The following AGO3 variants were observed in gnomAD, a reference collection of about 807,000 sequenced individuals.
AGO3 encodes the protein argonaute RISC catalytic component 3.
Under a neutral mutation model 105.5 loss-of-function variants are expected in AGO3, and 16 were observed. That is an observed-to-expected ratio of 0.15 (90% confidence interval 0.10 to 0.23). The LOEUF (loss-of-function observed/expected upper bound fraction) is 0.23. Among genes scored for constraint, AGO3 ranks in the 10% least tolerant of loss-of-function variants. The pLI, the probability that AGO3 is intolerant of heterozygous loss-of-function variation, is 1.00. For synonymous variants in AGO3, 340 were observed against 367.3 expected (o/e 0.93, Z 0.85); for missense variants, 534 against 1,088.0 (o/e 0.49, Z 7.16).
At chr1:36,042,778 T>A (rs765808806) in intron 16 of AGO3, among the ~76,000 whole-genome samples, 1 of 152,224 alleles carries the variant, frequency 6.6e-6, no homozygotes, top group Non-Finnish European at 1.5e-5. Context: ...AATCATGGTG[T>A]CCTCTTACAA....
rs115294863 is a variant in AGO3, at chr1:35,936,199, G to C, written c.19+4754G>C. Among the ~76,000 whole-genome samples the C allele has an allele frequency of 6.7e-3, 1,013 of 151,942 alleles. 8 individuals carry two copies. Among genetic ancestry groups the C allele is most frequent in the African/African-American group, 0.023 (961 of 41,444 alleles). ...GCCTTTCTGTATTTGGAGTTTCTGT[G>C]GTTTTCTGCCATTATCTGTGTTAAT... On this transcript the variant is annotated intron_variant, in intron 1 of 18. Transcript: ENST00000373191.
chr1:36,041,766 C>G (rs957267042), intron 16 of AGO3, among the ~76,000 whole-genome samples: 1 of 152,124 alleles, frequency 6.6e-6, no homozygotes. Context: ...AACTTAACAT[C>G]TCTGTGTCTG....
At chr1:36,049,054 A>G (rs1236488969) in intron 17 of AGO3, among the ~76,000 whole-genome samples, 3 of 152,234 alleles carry the variant, frequency 2.0e-5, no homozygotes, top group East Asian at 1.9e-4. Flanking sequence ...TTACAGCAAC[A>G]TAGATGGAGC....
At chr1:35,991,891 G>A (rs767619180) in intron 5 of AGO3, among the ~76,000 whole-genome samples, 13 of 151,940 alleles carry the variant, frequency 8.6e-5, no homozygotes, top group African/African-American at 1.7e-4. Flanking sequence ...CATTTTGGAG[G>A]CGTTCATCCA....
rs1291723642 is a variant in AGO3 at position 35,931,362 on chromosome 1, G to A, written c.-65G>A. The A allele has an allele frequency of 7.2e-7, 1 of 1,392,874 alleles. No homozygotes were observed. The highest frequency in any genetic ancestry group is 1.5e-5 in the African/African-American group (1 of 66,568). The allele number at this position is 1,392,874 out of a possible 1,614,324, so 86.3% of individuals were successfully genotyped here. On this transcript the variant is annotated 5_prime_UTR_variant, in exon 1 of 19. Coordinates refer to ENST00000373191, the MANE Select transcript of AGO3 (RefSeq NM_024852.4). ...TCGCGTCGCGCCGCGTCGCCCCCCG[G>A]GCCGCCTCCTTGCCGCCAGTGGCGG...
Position 36,013,717 on chromosome 1 carries a change from G to T in AGO3, c.1237G>T (p.Val413Leu). The T allele has an allele frequency of 6.2e-7, 1 of 1,614,116 alleles. No homozygotes were observed. Among genetic ancestry groups the T allele is most frequent in the South Asian group, 1.1e-5 (1 of 91,082 alleles). The change falls in exon 10 of 19, where the codon GTA (valine) becomes TTA (leucine). Residue 413 changes from valine (V) to leucine (L), a missense_variant. Physicochemically the swap from Val to Leu is conservative, Grantham distance 32. Coordinates refer to ENST00000373191, the MANE Select transcript of AGO3 (RefSeq NM_024852.4). The stretch of plus-strand genomic sequence containing the variant: ...TGAAATGGCTCATGTAACTGGACGC[G>T]TACTTCCAGCACCTATGCTCCAGTA... ...RDEMAHVTGR[V>L]LPAPMLQYGG...
rs183183084 is a variant in AGO3, at chr1:36,012,687, C to T, written c.1150-943C>T. ...ATTTTAATAGAATGTATCCAGATCT[C>T]CCATAGTCAGAGGTTCTTAACCTCT... is the stretch of plus-strand genomic sequence containing the variant. On this transcript the variant is annotated intron_variant, in intron 9 of 18. Coordinates refer to ENST00000373191, the MANE Select transcript of AGO3 (RefSeq NM_024852.4). 2.0e-5 allele frequency among the ~76,000 whole-genome samples: 3 copies of T among 152,208 alleles called. No individual in the cohort carries two copies. The East Asian group carries it at 5.8e-4, about 29-fold the overall frequency.
Position 36,057,883 on chromosome 1 carries a change from A to C in AGO3, c.*2138A>C, listed in dbSNP as rs1348274555. 1 of 152,166 alleles carries C rather than the reference A, an allele frequency of 6.6e-6. No homozygotes were observed. The highest frequency in any genetic ancestry group is 1.5e-5 in the Non-Finnish European group (1 of 68,046). 9.4% of individuals were successfully genotyped at this position (152,166 alleles called of 1,614,324 possible). ...TCCCAGCTACTCGGGAGGCTGAGGC[A>C]GGATTGCTTGAACCTAGGAGGCGGA... On this transcript the variant is annotated 3_prime_UTR_variant, in exon 19 of 19. Coordinates refer to ENST00000373191, the MANE Select transcript of AGO3 (RefSeq NM_024852.4).
In AGO3 at chr1:36,066,109, C is replaced by T. The variant is rs1036378226; in HGVS notation, c.*10364C>T. Reference sequence around the variant, plus strand: ...AAGAATTGCCATGAACAGCGTTATGCGTAGAAAACAGATGGAAGTGTTGGT... The same window carrying T: ...AAGAATTGCCATGAACAGCGTTATGTGTAGAAAACAGATGGAAGTGTTGGT... On this transcript the variant is annotated 3_prime_UTR_variant, in exon 19 of 19. Transcript: ENST00000373191. 7 of 151,666 alleles carry T rather than the reference C, an allele frequency of 4.6e-5. No homozygotes were observed. Among genetic ancestry groups the T allele is most frequent in the African/African-American group, 1.5e-4 (6 of 41,274 alleles). 9.4% of individuals were successfully genotyped at this position (151,666 alleles called of 1,614,324 possible).
intron 16 of AGO3, among the ~76,000 whole-genome samples, chr1:36,042,712 G>A (rs981725148): frequency 6.6e-6 from 1 of 152,130 alleles, no homozygotes; most frequent in African/African-American, 2.4e-5. Flanking sequence ...TTTATAAGGA[G>A]CTTGTATCAT....
chr1:35,945,658 CTG>C, intron 1 of AGO3, 32 bp from the exon 2 acceptor site: 1 of 1,603,828 alleles, frequency 6.2e-7, no homozygotes, highest in Non-Finnish European at 8.5e-7. Flanking sequence ...CAGCTTGTAA[CTG>C]TGACTCTTTT....
chr1:36,016,858 A>C (rs1640929550), intron 11 of AGO3, among the ~76,000 whole-genome samples: 1 of 152,154 alleles, frequency 6.6e-6, no homozygotes, highest in South Asian at 2.1e-4. Context: ...CACGCTTAGC[A>C]TGAGTGACTC....
chr1:36,027,088 T>C lies in AGO3; in HGVS notation c.1407-26T>C, dbSNP rs1641539737. 6 of 1,594,606 alleles carry C rather than the reference T, an allele frequency of 3.8e-6. No individual in the cohort carries two copies. The highest frequency in any genetic ancestry group is 5.1e-6 in the Non-Finnish European group (6 of 1,170,686). On this transcript the variant is annotated intron_variant, in intron 11 of 18. Transcript: ENST00000373191. The surrounding 1 kb of genome is among the most constrained non-coding windows in gnomAD (Gnocchi z 4.0). Reference sequence around the variant, plus strand: ...AGGAATTCATGACTAGACAAAGGTTTTATATTTAGTGGTTTCTCCTTCCAG... The same window carrying C: ...AGGAATTCATGACTAGACAAAGGTTCTATATTTAGTGGTTTCTCCTTCCAG...
intron 5 of AGO3, among the ~76,000 whole-genome samples, chr1:35,997,499 G>T (rs954836888): frequency 6.6e-6 from 1 of 152,230 alleles, no homozygotes; most frequent in East Asian, 1.9e-4. Context: ...GATCACAAGG[G>T]TACAGTGTAC....
intron 2 of AGO3, among the ~76,000 whole-genome samples, chr1:35,958,408 C>T (rs768606452): frequency 5.3e-5 from 8 of 151,820 alleles, no homozygotes; most frequent in Middle Eastern, 3.4e-3. Flanking sequence ...TTTTGTTCTA[C>T]CCAGCACTTT....
In AGO3 at chr1:36,064,092, T is replaced by A. The variant is rs1017390448; in HGVS notation, c.*8347T>A. On this transcript the variant is annotated 3_prime_UTR_variant, in exon 19 of 19. Transcript: ENST00000373191. ...GGTATGTTAACTTTTAAAATAAAAG[T>A]ACATGGGCTGGGCGCAGTGGCTAAC... is the stretch of plus-strand genomic sequence containing the variant. 2.0e-5 allele frequency: 3 copies of A among 152,166 alleles called. No individual in the cohort carries two copies. Among genetic ancestry groups the A allele is most frequent in the African/African-American group, 7.2e-5 (3 of 41,438 alleles). 9.4% of individuals were successfully genotyped at this position (152,166 alleles called of 1,614,324 possible).
intron 2 of AGO3, among the ~76,000 whole-genome samples, chr1:35,946,576 T>C (rs1557645105): frequency 2.6e-5 from 4 of 152,228 alleles, no homozygotes; most frequent in African/African-American, 9.6e-5. Context: ...CCTCTTCTTA[T>C]TCATTAAATG....
chr1:35,935,337 AC>A (rs1422229798), intron 1 of AGO3, among the ~76,000 whole-genome samples: 84 of 152,372 alleles, frequency 5.5e-4, no homozygotes, highest in South Asian at 1.0e-3. Context: ...TTACAAAATT[AC>A]CCATGATTCT....
At chr1:36,013,324 C>A in intron 9 of AGO3, 1 of 205,594 alleles carries the variant, frequency 4.9e-6, no homozygotes, top group Non-Finnish European at 1.0e-5. Context: ...AATCCTCCAG[C>A]TTGGCCTCCC....
Sources: allele counts gnomAD v4.1 joint callset (sites outside exome capture counted in the v4.1 genomes callset), GRCh38; gene constraint gnomAD v4.1.1; non-coding constraint Gnocchi (gnomAD v3.1); transcripts MANE v1.5; gene names NCBI Gene and HGNC (gene_info 2026-07-23, HGNC 2026-07-21).